Variants in SKIC3 observed in about 807,000 individuals in gnomAD.
SKIC3 encodes the protein SKI3 subunit of superkiller complex, also known as superkiller complex protein 3.
the SKIC3 span, among the ~76,000 whole-genome samples, chr5:95,528,399 A>T: frequency 3.3e-5 from 5 of 152,188 alleles, no homozygotes; most frequent in Admixed American, 2.0e-4. Context: ...ATAAAACTGA[A>T]TATCCTAAAA....
At chr5:95,506,963 A>C in the SKIC3 span, 1 of 1,613,534 alleles carries the variant, frequency 6.2e-7, no homozygotes, top group Non-Finnish European at 8.5e-7. Context: ...TTCTTATTGC[A>C]ACATTGTAAG....
At chr5:95,513,918 G>A in the SKIC3 span, among the ~76,000 whole-genome samples, 3 of 152,120 alleles carry the variant, frequency 2.0e-5, no homozygotes, top group South Asian at 4.1e-4. Context: ...GCAGTACTAC[G>A]CGAAGTGAGG....
chr5:95,517,246 C>T, the SKIC3 span: 9 of 1,613,078 alleles, frequency 5.6e-6, no homozygotes, highest in South Asian at 3.3e-5. Context: ...TTAGATGGTG[C>T]GACAGCATAC....
chr5:95,545,157 C>T, the SKIC3 span, among the ~76,000 whole-genome samples: 3 of 152,264 alleles, frequency 2.0e-5, no homozygotes, highest in South Asian at 6.2e-4. Context: ...TATGGTGGTG[C>T]TGTATATAAC....
At chr5:95,535,579 G>A in the SKIC3 span, among the ~76,000 whole-genome samples, 9 of 151,846 alleles carry the variant, frequency 5.9e-5, no homozygotes, top group South Asian at 2.1e-4. Flanking sequence ...CAAAGTGCTG[G>A]GATTACAGGT....
the SKIC3 span, among the ~76,000 whole-genome samples, chr5:95,496,111 G>A: frequency 1.1e-4 from 16 of 151,814 alleles, no homozygotes; most frequent in African/African-American, 3.1e-4. Flanking sequence ...TCCGCCTCCC[G>A]GGTTCAAGTG....
At chr5:95,503,044 C>A in the SKIC3 span, 1 of 1,611,736 alleles carries the variant, frequency 6.2e-7, no homozygotes, top group Non-Finnish European at 8.5e-7. Flanking sequence ...AATATAAAAG[C>A]CATCCTGATT....
chr5:95,540,689 C>T, the SKIC3 span: 1 of 1,613,958 alleles, frequency 6.2e-7, no homozygotes, highest in South Asian at 1.1e-5. Context: ...TGAGTCAATA[C>T]CAATTGCTGA....
At chr5:95,522,379 T>C in the SKIC3 span, 1 of 1,533,992 alleles carries the variant, frequency 6.5e-7, no homozygotes, top group Non-Finnish European at 8.8e-7. Context: ...AAATATAAAA[T>C]AAATAATTCA....
the SKIC3 span, among the ~76,000 whole-genome samples, chr5:95,472,155 T>A: frequency 6.6e-6 from 1 of 152,168 alleles, no homozygotes; most frequent in Non-Finnish European, 1.5e-5. Flanking sequence ...GTGAACAGGA[T>A]CTAGGATAAC....
the SKIC3 span, chr5:95,536,689 CTTT>C: frequency 2.5e-6 from 2 of 799,498 alleles, no homozygotes; most frequent in African/African-American, 1.7e-5. Flanking sequence ...CATTATACTT[CTTT>C]TTATGTCCAG....
At chr5:95,522,228 C>T in the SKIC3 span, 2 of 1,613,842 alleles carry the variant, frequency 1.2e-6, no homozygotes, top group South Asian at 2.2e-5. Flanking sequence ...GTTGTGTAGC[C>T]TCCTCTGCTT....
chr5:95,498,738 G>A, the SKIC3 span: 4 of 747,634 alleles, frequency 5.4e-6, no homozygotes, highest in East Asian at 1.1e-4. Flanking sequence ...CCATTCTCCT[G>A]CCTCAGCCTC....
chr5:95,503,255 G>A, the SKIC3 span, among the ~76,000 whole-genome samples: 2 of 152,128 alleles, frequency 1.3e-5, no homozygotes, highest in Admixed American at 6.5e-5. Flanking sequence ...ATCTATATGG[G>A]GATCTAGGTC....
the SKIC3 span, among the ~76,000 whole-genome samples, chr5:95,493,225 G>A: frequency 3.9e-5 from 6 of 152,150 alleles, no homozygotes; most frequent in South Asian, 2.1e-4. Context: ...CATTTTCATT[G>A]GACTCTAAGG....
the SKIC3 span, among the ~76,000 whole-genome samples, chr5:95,533,823 T>C: frequency 1.3e-5 from 2 of 152,308 alleles, no homozygotes; most frequent in Admixed American, 6.5e-5. Context: ...CTGTAGACTA[T>C]TGTTGATCCT....
the SKIC3 span, chr5:95,546,868 C>T: frequency 9.8e-5 from 58 of 591,674 alleles, no homozygotes; most frequent in African/African-American, 9.7e-4. Context: ...GTTACCAATA[C>T]AGAGAAAGTT....
chr5:95,547,785 T>G, the SKIC3 span, among the ~76,000 whole-genome samples: 7 of 152,222 alleles, frequency 4.6e-5, no homozygotes, highest in Admixed American at 1.3e-4. Flanking sequence ...GATAAAACAC[T>G]AACACAAATA....
chr5:95,528,157 C>T, the SKIC3 span: 2 of 1,613,562 alleles, frequency 1.2e-6, no homozygotes, highest in South Asian at 2.2e-5. Context: ...TCAGAGCTGA[C>T]AAAATTAAGG....
Sources: allele counts gnomAD v4.1 joint callset (sites outside exome capture counted in the v4.1 genomes callset), GRCh38; gene constraint gnomAD v4.1.1; transcripts MANE v1.5; gene names NCBI Gene and HGNC (gene_info 2026-07-23, HGNC 2026-07-21).